Variants in ITFG1 observed in about 807,000 individuals in gnomAD.
ITFG1 encodes the protein integrin alpha FG-GAP repeat containing 1, also known as T-cell immunomodulatory protein.
A neutral mutation model predicts 81.8 loss-of-function variants in ITFG1; 34 were observed. The ratio of observed to expected loss-of-function variants is 0.42; its 90% CI spans 0.32 to 0.55. ITFG1 has a LOEUF of 0.55. Ranked by LOEUF, ITFG1 falls within the 20% of genes least tolerant of loss-of-function variation. The probability of loss-of-function intolerance (pLI) is 0.17; values close to 1 mark genes in which losing one functional copy is unlikely to be tolerated. For synonymous variants in ITFG1, 285 were observed against 270.6 expected, an observed-to-expected ratio of 1.05 and a Z score of -0.52; for missense variants, 672 against 755.4, an observed-to-expected ratio of 0.89 and a Z score of 1.29.
chr16:47,307,503 A>T (rs1307164876), intron 10 of ITFG1, among the ~76,000 whole-genome samples: 3 of 152,120 alleles, frequency 2.0e-5, no homozygotes, highest in Non-Finnish European at 4.4e-5. Context: ...AAATTTTTTG[A>T]TCTTTACAAA....
intron 12 of ITFG1, among the ~76,000 whole-genome samples, chr16:47,239,683 G>A (rs1335986290): frequency 6.6e-6 from 1 of 152,078 alleles, no homozygotes. Context: ...ACACTTGCAA[G>A]CAGTTTTCAA....
At chr16:47,172,682 A>C (rs922383102) in intron 14 of ITFG1, among the ~76,000 whole-genome samples, 2 of 152,168 alleles carry the variant, frequency 1.3e-5, no homozygotes, top group Admixed American at 6.5e-5. Flanking sequence ...CCACAATTTA[A>C]AATATATACA....
intron 8 of ITFG1, among the ~76,000 whole-genome samples, chr16:47,352,345 C>T (rs1483496195): frequency 6.6e-6 from 1 of 152,112 alleles, no homozygotes; most frequent in Admixed American, 6.6e-5. Flanking sequence ...CTACAATGAA[C>T]TCAAACAAAT....
chr16:47,332,879 G>C (rs1169522021), intron 8 of ITFG1, among the ~76,000 whole-genome samples: 1 of 152,176 alleles, frequency 6.6e-6, no homozygotes, highest in Non-Finnish European at 1.5e-5. Flanking sequence ...CATTAAAGCA[G>C]CAGTTTATTC....
chr16:47,336,887 C>T (rs1355682695), intron 8 of ITFG1, among the ~76,000 whole-genome samples: 1 of 150,984 alleles, frequency 6.6e-6, no homozygotes, highest in Non-Finnish European at 1.5e-5. Context: ...TGTCTGAACC[C>T]AGGAGGCGGA....
intron 14 of ITFG1, among the ~76,000 whole-genome samples, chr16:47,174,898 A>G (rs766065723): frequency 3.3e-5 from 5 of 152,238 alleles, no homozygotes; most frequent in Admixed American, 1.3e-4. Context: ...CCCTGAGTCA[A>G]GGAAAAATGA....
chr16:47,361,859 C>G (rs1968114035), intron 8 of ITFG1, among the ~76,000 whole-genome samples: 1 of 152,198 alleles, frequency 6.6e-6, no homozygotes, highest in Non-Finnish European at 1.5e-5. Context: ...ACTTAGCCCT[C>G]TGTCAATCTC....
chr16:47,203,511 G>A (rs1037507766), intron 14 of ITFG1, among the ~76,000 whole-genome samples: 3 of 152,198 alleles, frequency 2.0e-5, no homozygotes, highest in Non-Finnish European at 2.9e-5. Flanking sequence ...CAACTAGACA[G>A]TCCCATCTGG....
chr16:47,409,404 A>ATATATTATT (rs1555514902), intron 6 of ITFG1, among the ~76,000 whole-genome samples: 4 of 6,102 alleles, frequency 6.6e-4, no homozygotes, highest in South Asian at 9.8e-3. Context: ...ATATATATAT[A>ATATATTATT]TTTTTTTTTT....
At position 47,428,877 on chromosome 16, in the gene ITFG1, T is replaced by G; in HGVS notation, c.582A>C (p.Ala194=). Residue 194 remains alanine, a synonymous_variant, in exon 6 of 18, where the codon GCA becomes GCC. Transcript: ENST00000320640. ...TTCGCATTTTACTTGTAGTGGTCAA[T>G]GCTGGATGCCATGATAAATTCCTAA... ...LLGGNLSWHP[A]LTTTSKMRIP... 2 of 1,597,080 alleles carry G rather than the reference T, an allele frequency of 1.3e-6. No individual in the cohort carries two copies. Among genetic ancestry groups the G allele is most frequent in the Non-Finnish European group, 1.7e-6 (2 of 1,169,792 alleles).
intron 6 of ITFG1, among the ~76,000 whole-genome samples, chr16:47,404,972 T>C (rs1968709882): frequency 1.3e-5 from 2 of 152,162 alleles, no homozygotes; most frequent in South Asian, 4.1e-4. Context: ...TCTAGTAGTT[T>C]ATCTTATTTT....
At chr16:47,402,809 T>G (rs1035523801) in intron 6 of ITFG1, among the ~76,000 whole-genome samples, 4 of 152,208 alleles carry the variant, frequency 2.6e-5, no homozygotes, top group Non-Finnish European at 2.9e-5. Flanking sequence ...GACCAAAGAA[T>G]AAATGTACAA....
At chr16:47,421,694 T>A (rs929375860) in intron 6 of ITFG1, among the ~76,000 whole-genome samples, 2 of 152,220 alleles carry the variant, frequency 1.3e-5, no homozygotes, top group African/African-American at 4.8e-5. Flanking sequence ...TTTTTAAAAT[T>A]ATACTTTAAG....
Position 47,158,963 on chromosome 16 carries a change from T to C in ITFG1, c.1689A>G (p.Pro563=). The C allele has an allele frequency of 6.3e-7, 1 of 1,574,826 alleles. No individual in the cohort carries two copies. The highest frequency in any genetic ancestry group is 8.6e-7 in the Non-Finnish European group (1 of 1,159,860). ...TAGCAGTAAGCAGAACAATATTACTTGGTGTAAGATACAGTTTGGCACTCC... is the reference window on the plus strand; with the variant it reads ...TAGCAGTAAGCAGAACAATATTACTCGGTGTAAGATACAGTTTGGCACTCC... ...RSWSAKLYLT[P]SNIVLLTAIA... Residue 563 remains proline, a synonymous_variant, in exon 17 of 18, where the codon CCA becomes CCG. Coordinates refer to ENST00000320640, the MANE Select transcript of ITFG1 (RefSeq NM_030790.5).
At chr16:47,393,591 C>T (rs533693854) in intron 6 of ITFG1, among the ~76,000 whole-genome samples, 17 of 152,002 alleles carry the variant, frequency 1.1e-4, no homozygotes, top group Admixed American at 6.5e-4. Flanking sequence ...ATTAGCTGGG[C>T]GTGGTGGCAA....
At chr16:47,180,941 C>T (rs538959885) in intron 14 of ITFG1, among the ~76,000 whole-genome samples, 5 of 150,914 alleles carry the variant, frequency 3.3e-5, no homozygotes, top group South Asian at 4.2e-4. Context: ...AAGTGAGGAG[C>T]GTCTCTGCCC....
chr16:47,375,621 A>G (rs1474836105), intron 7 of ITFG1, among the ~76,000 whole-genome samples: 1 of 152,228 alleles, frequency 6.6e-6, no homozygotes, highest in Admixed American at 6.5e-5. Context: ...GGGTCCTGTT[A>G]ACATGCACAT....
intron 14 of ITFG1, among the ~76,000 whole-genome samples, chr16:47,201,285 T>C (rs1489730687): frequency 6.6e-6 from 1 of 151,548 alleles, no homozygotes; most frequent in Non-Finnish European, 1.5e-5. Context: ...CTTGGCTCAC[T>C]GCAAGCTCCA....
chr16:47,327,007 G>A (rs1281244146), intron 8 of ITFG1, among the ~76,000 whole-genome samples: 6 of 152,082 alleles, frequency 3.9e-5, no homozygotes, highest in East Asian at 1.9e-4. Context: ...AAAAGAGCCC[G>A]CATCGCCAAG....
Sources: gnomAD v4.1 joint callset for allele counts (sites outside exome capture counted in the v4.1 genomes callset) on GRCh38, gnomAD v4.1.1 for gene constraint, MANE v1.5 for transcripts, NCBI Gene and HGNC (gene_info 2026-07-23, HGNC 2026-07-21) for gene names.